The following TSPAN15 variants were observed in gnomAD, a reference collection of about 807,000 sequenced individuals.
The protein encoded by TSPAN15 is tetraspanin 15, also known as tetraspanin-15.
In TSPAN15, 20 loss-of-function variants were observed where a neutral mutation model predicts 34.5. The ratio of observed to expected loss-of-function variants is 0.58; its 90% CI spans 0.41 to 0.84. TSPAN15 has a LOEUF of 0.84. Ranked by LOEUF, TSPAN15 falls within the 40% of genes least tolerant of loss-of-function variation. TSPAN15 has a pLI of 0.00. For synonymous variants in TSPAN15, 155 were observed against 153.9 expected (o/e 1.01, Z -0.05); for missense variants, 313 against 386.1 (o/e 0.81, Z 1.59).
At chr10:69,498,176 C>G in intron 4 of TSPAN15, 104 bp from the exon 5 acceptor site, 1 of 975,468 alleles carries the variant, frequency 1.0e-6, no homozygotes, top group Non-Finnish European at 1.6e-6. Context: ...CCCAGGGTGA[C>G]CCACATAATA....
chr10:69,471,554 TCTCTCA>T (rs1841506344), intron 1 of TSPAN15, among the ~76,000 whole-genome samples: 1 of 151,930 alleles, frequency 6.6e-6, no homozygotes, highest in Non-Finnish European at 1.5e-5. Flanking sequence ...TCTTTCTTTC[TCTCTCA>T]CTCTCCCCTT....
chr10:69,517,128 G>T, the TSPAN15 span, among the ~76,000 whole-genome samples: 1 of 152,186 alleles, frequency 6.6e-6, no homozygotes. Flanking sequence ...GCTGTGCCAG[G>T]TGTACGGGTG....
intron 1 of TSPAN15, among the ~76,000 whole-genome samples, chr10:69,475,332 G>A (rs757214458): frequency 1.4e-4 from 21 of 152,152 alleles, no homozygotes; most frequent in Non-Finnish European, 2.4e-4. Context: ...TATTCTCCCA[G>A]CAGATATATT....
chr10:69,504,745 C>CACGG (rs1012502830), intron 6 of TSPAN15, among the ~76,000 whole-genome samples: 4 of 152,164 alleles, frequency 2.6e-5, no homozygotes, highest in African/African-American at 9.7e-5. Flanking sequence ...ATGAAGCCAC[C>CACGG]ACGGCGCTTC....
chr10:69,485,356 C>G lies in TSPAN15; in HGVS notation c.357+141C>G, dbSNP rs1028933233. ...TTCTGCTGAAAGAGAATGACAGGCACTGAACAAGTAAAGCAGCGACTAAGA... is the reference window on the plus strand; with the variant it reads ...TTCTGCTGAAAGAGAATGACAGGCAGTGAACAAGTAAAGCAGCGACTAAGA... On this transcript the variant is annotated intron_variant, in intron 3 of 7. Coordinates refer to ENST00000373290, the MANE Select transcript of TSPAN15 (RefSeq NM_012339.5). 1.2e-5 allele frequency: 9 copies of G among 770,486 alleles called. No homozygotes were observed. The African/African-American group carries it at 1.6e-4, about 13-fold the overall frequency. The allele number at this position is 770,486 out of a possible 1,614,324, so 47.7% of individuals were successfully genotyped here. A position where few individuals can be genotyped will look rare whatever the true frequency, so the allele number is the denominator to read the frequency against.
intron 1 of TSPAN15, among the ~76,000 whole-genome samples, chr10:69,477,489 T>C (rs73275752): frequency 0.062 from 9,430 of 152,174 alleles, 1,008 homozygotes; most frequent in African/African-American, 0.22. Context: ...CAGCGAGAGA[T>C]GCTCTAGACT....
At chr10:69,451,827 C>A in intron 1 of TSPAN15, 137 bp downstream of exon 1, 1 of 595,666 alleles carries the variant, frequency 1.7e-6, no homozygotes, top group Non-Finnish European at 2.5e-6. Context: ...CCTTGTCTTT[C>A]TACCTCACAT....
intron 1 of TSPAN15, among the ~76,000 whole-genome samples, chr10:69,473,603 A>AG (rs1841552405): frequency 6.6e-6 from 1 of 152,050 alleles, no homozygotes; most frequent in Non-Finnish European, 1.5e-5. Context: ...CAGTAGAGCA[A>AG]CCCTTGGGGT....
rs138279925 is a variant in TSPAN15, at chr10:69,507,599, T to C, written c.*621T>C. The C allele has an allele frequency of 1.1e-3, 1,454 of 1,303,914 alleles. 17 individuals are homozygous for C. Among genetic ancestry groups the C allele is most frequent in the East Asian group, 3.9e-4 (7 of 18,018 alleles). The allele number at this position is 1,303,914 out of a possible 1,614,324, so 80.8% of individuals were successfully genotyped here. On this transcript the variant is annotated 3_prime_UTR_variant, in exon 8 of 8. Coordinates refer to ENST00000373290, the MANE Select transcript of TSPAN15 (RefSeq NM_012339.5). ...ATCAAAGCTGGTATTTCCCCGCATGTCTTATTCTTGCCCTTCCCCCAACCA... is the reference window on the plus strand; with the variant it reads ...ATCAAAGCTGGTATTTCCCCGCATGCCTTATTCTTGCCCTTCCCCCAACCA...
At chr10:69,526,154 G>T in the TSPAN15 span, among the ~76,000 whole-genome samples, 15 of 147,670 alleles carry the variant, frequency 1.0e-4, no homozygotes, top group Non-Finnish European at 1.9e-4. Context: ...AGATATTGAA[G>T]AGATGAAAAG....
At chr10:69,487,580 T>C (rs1434179225) in intron 3 of TSPAN15, among the ~76,000 whole-genome samples, 1 of 152,226 alleles carries the variant, frequency 6.6e-6, no homozygotes, top group Non-Finnish European at 1.5e-5. Context: ...CAGGTCCAGT[T>C]TGTGGTCAGC....
chr10:69,522,227 T>A, the TSPAN15 span, among the ~76,000 whole-genome samples: 21 of 145,602 alleles, frequency 1.4e-4, 2 homozygotes, highest in Admixed American at 3.6e-4. Flanking sequence ...CTGGGTGTGG[T>A]GGCAATGCCT....
chr10:69,462,103 C>G (rs368657982), intron 1 of TSPAN15, among the ~76,000 whole-genome samples: 2 of 151,410 alleles, frequency 1.3e-5, no homozygotes, highest in Non-Finnish European at 2.9e-5. Context: ...ACCTCAGCCT[C>G]CTGAGTAGCT....
At chr10:69,456,566 T>C (rs1841115087) in intron 1 of TSPAN15, among the ~76,000 whole-genome samples, 2 of 152,156 alleles carry the variant, frequency 1.3e-5, no homozygotes, top group African/African-American at 4.8e-5. Context: ...CCATCATAAA[T>C]AGCAGGTAAA....
chr10:69,478,398 A>G (rs61647472), intron 1 of TSPAN15, among the ~76,000 whole-genome samples: 2,477 of 152,240 alleles, frequency 0.016, 67 homozygotes, highest in African/African-American at 0.057. Flanking sequence ...TTTTGGTCCA[A>G]CACGGAGCCC....
chr10:69,526,285 T>C, the TSPAN15 span, among the ~76,000 whole-genome samples: 1 of 148,152 alleles, frequency 6.7e-6, no homozygotes, highest in Non-Finnish European at 1.5e-5. Context: ...CAAATAGGTC[T>C]GTAACCATAT....
At chr10:69,544,534 C>T in the TSPAN15 span, among the ~76,000 whole-genome samples, 1 of 152,236 alleles carries the variant, frequency 6.6e-6, no homozygotes, top group South Asian at 2.1e-4. Flanking sequence ...AAGGCTATGC[C>T]TCCAGGTCTT....
At chr10:69,471,564 T>TCTCTCTCC (rs1263472853) in intron 1 of TSPAN15, among the ~76,000 whole-genome samples, 2 of 151,780 alleles carry the variant, frequency 1.3e-5, no homozygotes, top group African/African-American at 4.9e-5. Flanking sequence ...TCTCTCACTC[T>TCTCTCTCC]CCCCTTCTCC....
At chr10:69,488,781 GATCACATGCTTCTAAGGGAAAA>G (rs1841909326) in intron 3 of TSPAN15, among the ~76,000 whole-genome samples, 1 of 152,140 alleles carries the variant, frequency 6.6e-6, no homozygotes, top group African/African-American at 2.4e-5. Context: ...GGAAAACAAA[GATCACATGCTTCTAAGGGAAAA>G]ATCAGAAACT....
Sources: allele counts gnomAD v4.1 joint callset (sites outside exome capture counted in the v4.1 genomes callset), GRCh38; gene constraint gnomAD v4.1.1; transcripts MANE v1.5; gene names NCBI Gene and HGNC (gene_info 2026-07-23, HGNC 2026-07-21).